Variants in ADGRB3 observed in about 807,000 individuals in gnomAD.
ADGRB3 encodes brain-specific angiogenesis inhibitor 3.
A neutral mutation model predicts 193.4 loss-of-function variants in ADGRB3; 37 were observed. That is an observed-to-expected ratio of 0.19 (90% CI 0.15 to 0.25). The LOEUF is 0.25. Among genes scored for constraint, ADGRB3 ranks in the 10% least tolerant of loss-of-function variants. ADGRB3 has a pLI of 1.00. For missense variants in ADGRB3, 1,637 were observed against 1,852.9 expected (o/e 0.88, Z 2.14); for synonymous variants, 690 against 644.2 (o/e 1.07, Z -1.08).
chr6:68,708,389 CCT>C (rs1765359559), intron 3 of ADGRB3, among the ~76,000 whole-genome samples: 1 of 152,062 alleles, frequency 6.6e-6, no homozygotes, highest in East Asian at 1.9e-4. Flanking sequence ...GGTCCTGGAC[CCT>C]GTGCCTCCCA....
At chr6:68,848,278 C>T (rs542855961) in intron 3 of ADGRB3, among the ~76,000 whole-genome samples, 1 of 152,148 alleles carries the variant, frequency 6.6e-6, no homozygotes, top group South Asian at 2.1e-4. Context: ...ATCTTGCACT[C>T]TGGTAATAAT....
chr6:69,045,855 G>A (rs1193088577), intron 13 of ADGRB3, among the ~76,000 whole-genome samples: 3 of 152,058 alleles, frequency 2.0e-5, no homozygotes, highest in Admixed American at 6.5e-5. Flanking sequence ...GGGACTTATT[G>A]CATAAATTAG....
intron 3 of ADGRB3, among the ~76,000 whole-genome samples, chr6:68,813,499 G>A (rs1767560527): frequency 1.3e-5 from 2 of 151,448 alleles, no homozygotes; most frequent in South Asian, 4.2e-4. Flanking sequence ...CAAGTATGTA[G>A]GCTCACATTA....
chr6:69,220,971 T>A (rs1765881761), intron 17 of ADGRB3, among the ~76,000 whole-genome samples: 1 of 152,006 alleles, frequency 6.6e-6, no homozygotes, highest in South Asian at 2.1e-4. Flanking sequence ...GTTTCAGATT[T>A]CTTAATTGGG....
chr6:69,017,711 G>C (rs1770137361), intron 12 of ADGRB3, among the ~76,000 whole-genome samples: 1 of 151,878 alleles, frequency 6.6e-6, no homozygotes, highest in Admixed American at 6.6e-5. Flanking sequence ...GGTAGATACT[G>C]CTTAGCCACT....
intron 17 of ADGRB3, among the ~76,000 whole-genome samples, chr6:69,196,226 C>T (rs1024180840): frequency 3.3e-5 from 5 of 152,056 alleles, no homozygotes; most frequent in Non-Finnish European, 7.4e-5. Flanking sequence ...ACAAAAATTT[C>T]CTTTCTTGCC....
chr6:69,004,648 G>A (rs1312528653), intron 11 of ADGRB3, among the ~76,000 whole-genome samples: 1 of 148,950 alleles, frequency 6.7e-6, no homozygotes, highest in East Asian at 2.0e-4. Flanking sequence ...CCACCTATGA[G>A]TGAGAACATG....
chr6:69,074,667 C>T (rs1772175504), intron 16 of ADGRB3, among the ~76,000 whole-genome samples: 1 of 151,864 alleles, frequency 6.6e-6, no homozygotes, highest in African/African-American at 2.4e-5. Context: ...GCCTCAGCCT[C>T]CAGAGTAGCT....
At chr6:68,840,369 C>CTTTTTT (rs752625602) in intron 3 of ADGRB3, among the ~76,000 whole-genome samples, 742 of 69,396 alleles carry the variant, frequency 0.011, 126 homozygotes, top group African/African-American at 0.019. Flanking sequence ...ACTGGGCAGT[C>CTTTTTT]TTTTTTTTTT....
intron 17 of ADGRB3, among the ~76,000 whole-genome samples, chr6:69,231,359 A>T (rs1766131742): frequency 6.6e-6 from 1 of 152,218 alleles, no homozygotes; most frequent in African/African-American, 2.4e-5. Flanking sequence ...GAATTGATTT[A>T]TTGGGCATAG....
chr6:68,649,014 A>G (rs536854545), intron 3 of ADGRB3, among the ~76,000 whole-genome samples: 23 of 151,686 alleles, frequency 1.5e-4, no homozygotes, highest in Non-Finnish European at 2.9e-4. Flanking sequence ...TTGTATGGGC[A>G]ATAACTGTGT....
chr6:69,160,955 A>G (rs775899552), intron 17 of ADGRB3, among the ~76,000 whole-genome samples: 50 of 152,124 alleles, frequency 3.3e-4, no homozygotes, highest in South Asian at 8.3e-4. Context: ...TTAGCTCAAT[A>G]TGCCAACTCA....
chr6:69,045,279 A>G (rs750672229), intron 13 of ADGRB3, among the ~76,000 whole-genome samples: 1 of 152,204 alleles, frequency 6.6e-6, no homozygotes, highest in Non-Finnish European at 1.5e-5. Context: ...TTTCTCATCT[A>G]TTACTAAGGG....
At chr6:68,669,096 G>A (rs1422372199) in intron 3 of ADGRB3, among the ~76,000 whole-genome samples, 1 of 151,850 alleles carries the variant, frequency 6.6e-6, no homozygotes, top group Admixed American at 6.6e-5. Context: ...TGAGCGCATG[G>A]TAGGTGTATA....
At chr6:68,856,246 G>A (rs780700678) in intron 3 of ADGRB3, among the ~76,000 whole-genome samples, 1 of 152,158 alleles carries the variant, frequency 6.6e-6, no homozygotes, top group South Asian at 2.1e-4. Context: ...CAGTAAATTG[G>A]TACCAGTAGA....
At chr6:68,826,522 C>G (rs140692938) in intron 3 of ADGRB3, among the ~76,000 whole-genome samples, 1 of 152,060 alleles carries the variant, frequency 6.6e-6, no homozygotes. Flanking sequence ...GGCTTTTACT[C>G]CAAGTGGAAC....
chr6:69,255,728 T>C (rs997386109), intron 20 of ADGRB3, among the ~76,000 whole-genome samples: 1 of 152,242 alleles, frequency 6.6e-6, no homozygotes, highest in African/African-American at 2.4e-5. Flanking sequence ...TTGTCAATTT[T>C]GGCTTTTGTT....
At chr6:68,911,477 C>T (rs948043626) in intron 3 of ADGRB3, among the ~76,000 whole-genome samples, 2 of 152,018 alleles carry the variant, frequency 1.3e-5, no homozygotes, top group Non-Finnish European at 2.9e-5. Context: ...AACCACAAAT[C>T]TAATTTAAAT....
At chr6:69,293,099 G>T (rs1229521586) in intron 20 of ADGRB3, among the ~76,000 whole-genome samples, 1 of 152,150 alleles carries the variant, frequency 6.6e-6, no homozygotes, top group Admixed American at 6.5e-5. Context: ...TCCAACATTT[G>T]CAGGCCCCAG....
Sources: allele counts gnomAD v4.1 joint callset (sites outside exome capture counted in the v4.1 genomes callset), GRCh38; gene constraint gnomAD v4.1.1; transcripts MANE v1.5; gene names NCBI Gene and HGNC (gene_info 2026-07-23, HGNC 2026-07-21).